RBFOX3: variants seen among roughly 807,000 people sequenced by gnomAD.
RBFOX3 encodes the protein RNA binding fox-1 homolog 3, also known as RNA binding protein fox-1 homolog 3.
Under a neutral mutation model 48.7 loss-of-function variants are expected in RBFOX3, and 17 were observed. The observed-to-expected ratio is 0.35, with a 90% CI of 0.24 to 0.52. RBFOX3 has a LOEUF of 0.52. Among genes scored for constraint, RBFOX3 ranks in the 20% least tolerant of loss-of-function variants. RBFOX3 has a pLI of 0.94. For synonymous variants in RBFOX3, 212 were observed against 209.5 expected, an observed-to-expected ratio of 1.01 and a Z score of -0.10; for missense variants, 382 against 497.5, an observed-to-expected ratio of 0.77 and a Z score of 2.21.
intron 1 of RBFOX3, among the ~76,000 whole-genome samples, chr17:79,609,426 A>C (rs2093917950): frequency 6.6e-6 from 1 of 152,114 alleles, no homozygotes; most frequent in African/African-American, 2.4e-5. Flanking sequence ...AGGGGGACTT[A>C]AACCCAGGGA....
At position 79,157,575 on chromosome 17, in the gene RBFOX3, T is replaced by C. The variant is rs372388349; in HGVS notation, c.-33-41827A>G. Among the ~76,000 whole-genome samples the C allele has an allele frequency of 1.0e-3, 159 of 152,272 alleles. 2 individuals are homozygous for C. The highest frequency in any genetic ancestry group is 3.7e-3 in the African/African-American group (153 of 41,554). ...GTATGAGGACCCGGGGGTGAGGTTGTACAGGGGCCGGGTTTCCCTAAGTCC... is the reference window on the plus strand; with the variant it reads ...GTATGAGGACCCGGGGGTGAGGTTGCACAGGGGCCGGGTTTCCCTAAGTCC... On this transcript the variant is annotated intron_variant, in intron 4 of 14. Transcript: ENST00000693108.
chr17:79,652,283 T>C, the RBFOX3 span, among the ~76,000 whole-genome samples: 3 of 151,858 alleles, frequency 2.0e-5, no homozygotes, highest in Admixed American at 6.6e-5. Flanking sequence ...CAAGAAGAAA[T>C]AGAGAACAAG....
chr17:79,273,274 C>T (rs546713739), intron 3 of RBFOX3, among the ~76,000 whole-genome samples: 5 of 152,218 alleles, frequency 3.3e-5, no homozygotes, highest in Non-Finnish European at 7.3e-5. Flanking sequence ...GATTGAGGGC[C>T]ACTTGCACTC....
intron 1 of RBFOX3, among the ~76,000 whole-genome samples, chr17:79,509,545 C>G (rs2083776252): frequency 6.6e-6 from 1 of 152,190 alleles, no homozygotes; most frequent in South Asian, 2.1e-4. Flanking sequence ...TAACAGCGTT[C>G]TAGCTGGTTC....
chr17:79,468,258 C>T (rs1044713417), intron 2 of RBFOX3, among the ~76,000 whole-genome samples: 3 of 151,862 alleles, frequency 2.0e-5, no homozygotes, highest in East Asian at 1.9e-4. Flanking sequence ...CAGGGGATGA[C>T]GCATGAATAA....
At chr17:79,454,362 G>A (rs1380478348) in intron 2 of RBFOX3, among the ~76,000 whole-genome samples, 1 of 152,112 alleles carries the variant, frequency 6.6e-6, no homozygotes, top group Non-Finnish European at 1.5e-5. Flanking sequence ...GGCTCTGTCT[G>A]CTGTATCCCT....
chr17:79,298,949 C>G (rs1249479927), intron 3 of RBFOX3, among the ~76,000 whole-genome samples: 2 of 152,222 alleles, frequency 1.3e-5, no homozygotes, highest in East Asian at 3.9e-4. Context: ...CACGATCCAT[C>G]AGGGCTGGGT....
At chr17:79,505,697 G>A (rs1166165614) in intron 1 of RBFOX3, among the ~76,000 whole-genome samples, 2 of 152,354 alleles carry the variant, frequency 1.3e-5, no homozygotes, top group East Asian at 3.9e-4. Context: ...GAAGGTCAAA[G>A]GGGAAGTGAA....
intron 2 of RBFOX3, among the ~76,000 whole-genome samples, chr17:79,427,131 A>G (rs2067533767): frequency 6.6e-6 from 1 of 152,200 alleles, no homozygotes; most frequent in Admixed American, 6.5e-5. Context: ...TGGTGCTCGG[A>G]GCAGTAGCTG....
chr17:79,486,615 C>G (rs2079645594), intron 1 of RBFOX3, among the ~76,000 whole-genome samples: 1 of 152,170 alleles, frequency 6.6e-6, no homozygotes, highest in African/African-American at 2.4e-5. Flanking sequence ...AGGATCTAAT[C>G]CTCTTGCTTT....
chr17:79,592,766 G>A (rs2093460019), intron 1 of RBFOX3, among the ~76,000 whole-genome samples: 1 of 152,206 alleles, frequency 6.6e-6, no homozygotes, highest in South Asian at 2.1e-4. Context: ...TTTCAGACTG[G>A]GCACTGCGGC....
At chr17:79,335,997 C>T (rs1395450559) in intron 2 of RBFOX3, among the ~76,000 whole-genome samples, 1 of 152,230 alleles carries the variant, frequency 6.6e-6, no homozygotes, top group African/African-American at 2.4e-5. Context: ...TGCGCCGCTT[C>T]GTAGACACCG....
At position 79,418,736 on chromosome 17, in the gene RBFOX3, C is replaced by G. The variant is rs543639503; in HGVS notation, c.-175+63718G>C. On this transcript the variant is annotated intron_variant, in intron 2 of 14. Coordinates refer to ENST00000693108, the MANE Select transcript of RBFOX3 (RefSeq NM_001350451.2). This position sits in a 1 kb window ranked among gnomAD's most constrained non-coding sequence, Gnocchi z 5.0. ...GGCAAATCCACTCTCCTTAGACTTG[C>G]TGCTTGAGAAGGAGGTTTGGGAGAG... Among the ~76,000 whole-genome samples, 14 of 152,034 alleles carry G rather than the reference C, an allele frequency of 9.2e-5. No individual in the cohort carries two copies. Among genetic ancestry groups the G allele is most frequent in the Non-Finnish European group, 1.9e-4 (13 of 68,002 alleles).
intron 4 of RBFOX3, among the ~76,000 whole-genome samples, chr17:79,217,755 G>C (rs2059235517): frequency 6.6e-6 from 1 of 152,134 alleles, no homozygotes; most frequent in South Asian, 2.1e-4. Flanking sequence ...TCAAGCAGGA[G>C]CCAGTTATGG....
At chr17:79,287,426 T>C (rs2072206863) in intron 3 of RBFOX3, among the ~76,000 whole-genome samples, 1 of 151,916 alleles carries the variant, frequency 6.6e-6, no homozygotes, top group African/African-American at 2.4e-5. Flanking sequence ...GAGTGGGGGG[T>C]AGAGTGGGGT....
intron 4 of RBFOX3, among the ~76,000 whole-genome samples, chr17:79,174,393 T>A (rs997313105): frequency 1.3e-5 from 2 of 148,992 alleles, no homozygotes; most frequent in African/African-American, 5.0e-5. Context: ...ATCCACAATG[T>A]ACTCTCACAC....
chr17:79,316,433 T>C lies in RBFOX3; in HGVS notation c.-174-8609A>G, dbSNP rs375932609. On this transcript the variant is annotated intron_variant, in intron 2 of 14. Transcript: ENST00000693108. ...CACCTGAGTTGTGGGCAGCCCTCCTTGGGCAGGGGCGATGGCTCCCACCTC... is the reference window on the plus strand; with the variant it reads ...CACCTGAGTTGTGGGCAGCCCTCCTCGGGCAGGGGCGATGGCTCCCACCTC... Among the ~76,000 whole-genome samples, 6 of 152,328 alleles carry C rather than the reference T, an allele frequency of 3.9e-5. No individual in the cohort carries two copies. In the East Asian group the frequency reaches 9.6e-4, roughly 24 times the overall value.
At chr17:79,262,915 G>T (rs1021543567) in intron 3 of RBFOX3, among the ~76,000 whole-genome samples, 1 of 152,282 alleles carries the variant, frequency 6.6e-6, no homozygotes, top group Non-Finnish European at 1.5e-5. Flanking sequence ...CTTGTTTCAG[G>T]TGGCCTGGCT....
chr17:79,374,648 G>T (rs1261792682), intron 2 of RBFOX3, among the ~76,000 whole-genome samples: 3 of 152,236 alleles, frequency 2.0e-5, no homozygotes, highest in Middle Eastern at 3.2e-3. Context: ...CACGCTTGAG[G>T]CTCCGTTCGC....
Sources: gnomAD v4.1 joint callset for allele counts (sites outside exome capture counted in the v4.1 genomes callset) on GRCh38, gnomAD v4.1.1 for gene constraint, Gnocchi (gnomAD v3.1) non-coding constraint, MANE v1.5 for transcripts, NCBI Gene and HGNC (gene_info 2026-07-23, HGNC 2026-07-21) for gene names.